Variants in HIP1 observed in about 807,000 individuals in gnomAD.
HIP1 encodes huntingtin-interacting protein 1.
HIP1 carries 65 observed loss-of-function variants against 147.6 expected under a neutral mutation model. That is an observed-to-expected ratio of 0.44 (90% CI 0.36 to 0.54). The LOEUF (loss-of-function observed/expected upper bound fraction) is 0.54. HIP1 is among the 20% of genes least tolerant of loss of function. The pLI is 0.00. For missense variants in HIP1, 1,061 were observed against 1,299.6 expected (o/e 0.82, Z 2.82); for synonymous variants, 479 against 504.0 (o/e 0.95, Z 0.67).
Position 75,673,635 on chromosome 7 carries a change from A to G in HIP1, c.120+65166T>C, listed in dbSNP as rs181895175. Among the ~76,000 whole-genome samples the G allele has an allele frequency of 2.6e-5, 4 of 152,064 alleles. No homozygotes were observed. In the East Asian group the frequency reaches 7.7e-4, roughly 29 times the overall value. ...TTTATTCTTTTCTATTGGTTTTCTT[A>G]ATTTCATTTTTGGATTTTTCATAGC... On this transcript the variant is annotated intron_variant, in intron 1 of 30. Transcript: ENST00000336926.
chr7:75,660,654 T>C (rs1257351741), intron 1 of HIP1, among the ~76,000 whole-genome samples: 1 of 152,070 alleles, frequency 6.6e-6, no homozygotes, highest in Non-Finnish European at 1.5e-5. Context: ...CAAAATACTA[T>C]CAAGACGAAT....
intron 1 of HIP1, among the ~76,000 whole-genome samples, chr7:75,693,440 T>G (rs1251489492): frequency 1.3e-5 from 2 of 152,156 alleles, no homozygotes; most frequent in Non-Finnish European, 2.9e-5. Flanking sequence ...CATCTTCTCT[T>G]CCTCTTGTCT....
intron 1 of HIP1, among the ~76,000 whole-genome samples, chr7:75,658,886 G>A (rs974185889): frequency 2.0e-5 from 3 of 151,928 alleles, no homozygotes; most frequent in South Asian, 2.1e-4. Context: ...AGAGTGAGAC[G>A]CCATCTCAAA....
chr7:75,648,600 C>T (rs1798878639), intron 1 of HIP1, among the ~76,000 whole-genome samples: 1 of 152,064 alleles, frequency 6.6e-6, no homozygotes, highest in Non-Finnish European at 1.5e-5. Context: ...CCAGGTGCAC[C>T]CCCAGAACCT....
chr7:75,572,586 G>A (rs1554496863), intron 8 of HIP1, among the ~76,000 whole-genome samples: 3 of 152,206 alleles, frequency 2.0e-5, no homozygotes, highest in Non-Finnish European at 4.4e-5. Flanking sequence ...GCCTGCCACT[G>A]CCATCATGCC....
intron 1 of HIP1, among the ~76,000 whole-genome samples, chr7:75,715,747 C>T (rs1329701385): frequency 1.5e-5 from 2 of 132,452 alleles, no homozygotes; most frequent in African/African-American, 5.9e-5. Flanking sequence ...TGCACTCCAG[C>T]CTAGGCAACA....
At chr7:75,557,600 C>T in intron 16 of HIP1, 54 bp downstream of exon 16, 1 of 1,339,406 alleles carries the variant, frequency 7.5e-7, no homozygotes, top group Admixed American at 1.7e-5. Flanking sequence ...AAGCCCCCGC[C>T]ACCAACTCAA....
intron 1 of HIP1, among the ~76,000 whole-genome samples, chr7:75,614,056 A>C (rs1554505527): frequency 2.0e-5 from 3 of 152,210 alleles, no homozygotes; most frequent in Non-Finnish European, 4.4e-5. Context: ...CTGAGACGAC[A>C]GGTGTATGCC....
At chr7:75,725,752 T>C (rs1187398069) in intron 1 of HIP1, among the ~76,000 whole-genome samples, 1 of 152,188 alleles carries the variant, frequency 6.6e-6, no homozygotes, top group Non-Finnish European at 1.5e-5. Context: ...TTTGGTGTGT[T>C]TGCAGGTTGG....
intron 1 of HIP1, among the ~76,000 whole-genome samples, chr7:75,662,255 C>A (rs1304188127): frequency 6.6e-6 from 1 of 152,086 alleles, no homozygotes; most frequent in Non-Finnish European, 1.5e-5. Context: ...GCGATCACAG[C>A]ACATGGCAGC....
chr7:75,559,606 T>A, intron 14 of HIP1, 126 bp downstream of exon 14: 1 of 783,044 alleles, frequency 1.3e-6, no homozygotes, highest in Non-Finnish European at 2.0e-6. Flanking sequence ...CTGGCATTCC[T>A]AGCTGTTTCT....
rs142606760 is a variant in HIP1, at chr7:75,566,333, C to T, written c.803+1866G>A. Among the ~76,000 whole-genome samples the T allele has an allele frequency of 5.9e-3, 890 of 151,548 alleles. 28 individuals are homozygous for T. Among genetic ancestry groups the T allele is most frequent in the Admixed American group, 0.047 (719 of 15,240 alleles). The stretch of plus-strand genomic sequence containing the variant: ...CACTGCACCCGGCTGGTGTTAGCAA[C>T]TTTTATTGAGGCGGCAGTGCACAGC... On this transcript the variant is annotated intron_variant, in intron 9 of 30. Coordinates refer to ENST00000336926, the MANE Select transcript of HIP1 (RefSeq NM_005338.7).
At chr7:75,692,974 G>A (rs911851131) in intron 1 of HIP1, among the ~76,000 whole-genome samples, 2 of 151,838 alleles carry the variant, frequency 1.3e-5, no homozygotes, top group Non-Finnish European at 2.9e-5. Flanking sequence ...AGACCAGCCT[G>A]GCCAACATGG....
At chr7:75,736,903 C>T (rs1461942702) in intron 1 of HIP1, among the ~76,000 whole-genome samples, 6 of 151,644 alleles carry the variant, frequency 4.0e-5, no homozygotes, top group Non-Finnish European at 5.9e-5. Context: ...CCAGACACAC[C>T]TGCGCGCGGT....
chr7:75,645,894 G>A (rs1798785905), intron 1 of HIP1, among the ~76,000 whole-genome samples: 1 of 152,144 alleles, frequency 6.6e-6, no homozygotes, highest in Admixed American at 6.6e-5. Flanking sequence ...AACATTGGGT[G>A]CAAGTGGACA....
At chr7:75,636,101 G>A (rs1554509642) in intron 1 of HIP1, among the ~76,000 whole-genome samples, 1 of 151,490 alleles carries the variant, frequency 6.6e-6, no homozygotes, top group Non-Finnish European at 1.5e-5. Flanking sequence ...TAGCACTTTG[G>A]GAGGCTGAGG....
intron 1 of HIP1, among the ~76,000 whole-genome samples, chr7:75,617,608 C>A (rs1554506348): frequency 6.6e-6 from 1 of 152,178 alleles, no homozygotes; most frequent in Non-Finnish European, 1.5e-5. Context: ...TCTGTGATGA[C>A]CTTCGGGGTG....
Position 75,568,321 on chromosome 7 carries a change from G to T in HIP1, c.746-65C>A. On this transcript the variant is annotated intron_variant, in intron 8 of 30. Transcript: ENST00000336926. This position sits in a 1 kb window ranked among gnomAD's most constrained non-coding sequence, Gnocchi z 4.1. The stretch of plus-strand genomic sequence containing the variant: ...CAGAGGGCAGGGAAGCCACAGCGGG[G>T]CTCTCGAGGGGGAGGGGCCCAGCTA... 3 of 1,064,378 alleles carry T rather than the reference G, an allele frequency of 2.8e-6. No homozygotes were observed. The highest frequency in any genetic ancestry group is 4.4e-6 in the Non-Finnish European group (3 of 679,052). 65.9% of individuals were successfully genotyped at this position (1,064,378 alleles called of 1,614,324 possible). A position where few individuals can be genotyped will look rare whatever the true frequency, so the allele number is the denominator to read the frequency against.
chr7:75,601,182 T>A (rs1796958251), intron 1 of HIP1, among the ~76,000 whole-genome samples: 1 of 152,164 alleles, frequency 6.6e-6, no homozygotes, highest in South Asian at 2.1e-4. Flanking sequence ...TGTCTAAGAT[T>A]TACTTCAAAT....
Sources: allele counts gnomAD v4.1 joint callset (sites outside exome capture counted in the v4.1 genomes callset), GRCh38; gene constraint gnomAD v4.1.1; non-coding constraint Gnocchi (gnomAD v3.1); transcripts MANE v1.5; gene names NCBI Gene and HGNC (gene_info 2026-07-23, HGNC 2026-07-21).